Variants in CTBP2 observed in about 807,000 individuals in gnomAD.
The protein encoded by CTBP2 is C-terminal binding protein 2.
Under a neutral mutation model 80.3 loss-of-function variants are expected in CTBP2, and 30 were observed. That is an observed-to-expected ratio of 0.37 (90% CI 0.28 to 0.51). CTBP2 has a LOEUF of 0.51. Ranked by LOEUF, CTBP2 falls within the 20% of genes least tolerant of loss-of-function variation. The pLI, the probability that CTBP2 is intolerant of heterozygous loss-of-function variation, is 0.93. For missense variants in CTBP2, 1,212 were observed against 1,375.3 expected, an observed-to-expected ratio of 0.88 and a Z score of 1.88; for synonymous variants, 594 against 587.4, an observed-to-expected ratio of 1.01 and a Z score of -0.16.
At chr10:125,094,033 C>T (rs1235666483) in intron 2 of CTBP2, among the ~76,000 whole-genome samples, 6 of 152,268 alleles carry the variant, frequency 3.9e-5, no homozygotes, top group East Asian at 3.9e-4. Context: ...CGAGGAGAAA[C>T]GCAATATAAT....
intron 4 of CTBP2, chr10:124,996,425 G>C (rs566225748): frequency 1.3e-5 from 2 of 152,378 alleles, no homozygotes; most frequent in Non-Finnish European, 2.9e-5. Context: ...GAAGGCTACA[G>C]AGACACCTGG....
chr10:125,098,673 A>G (rs867137192), intron 2 of CTBP2, among the ~76,000 whole-genome samples: 44 of 114,946 alleles, frequency 3.8e-4, no homozygotes, highest in African/African-American at 1.8e-3. Flanking sequence ...AGAGAGAGAG[A>G]GAGAGAGAGA....
At chr10:125,104,879 G>C (rs1489784707) in intron 2 of CTBP2, among the ~76,000 whole-genome samples, 4 of 152,238 alleles carry the variant, frequency 2.6e-5, no homozygotes, top group African/African-American at 9.6e-5. Context: ...TGGGAAGAAG[G>C]AAGCCACAGA....
At chr10:125,159,084 C>T (rs945590946) in intron 1 of CTBP2, among the ~76,000 whole-genome samples, 6 of 151,306 alleles carry the variant, frequency 4.0e-5, no homozygotes, top group Non-Finnish European at 1.5e-5. Flanking sequence ...GCCCAACTCG[C>T]CCGGGGCGCT....
At chr10:125,158,224 A>G (rs1263495943) in intron 1 of CTBP2, among the ~76,000 whole-genome samples, 2 of 152,208 alleles carry the variant, frequency 1.3e-5, no homozygotes, top group Admixed American at 6.5e-5. Flanking sequence ...ACCCACTTCT[A>G]CTTGGAAAAC....
chr10:125,159,287 C>T, intron 1 of CTBP2, among the ~76,000 whole-genome samples: 1 of 149,190 alleles, frequency 6.7e-6, no homozygotes, highest in African/African-American at 2.4e-5. Flanking sequence ...TCGCCCCACC[C>T]GAAAAGTGCG....
At position 124,992,707 on chromosome 10, in the gene CTBP2, C is replaced by T; in HGVS notation, c.2765G>A (p.Gly922Asp). 6.2e-7 allele frequency: 1 copy of T among 1,605,548 alleles called. No individual in the cohort carries two copies. The highest frequency in any genetic ancestry group is 8.5e-7 in the Non-Finnish European group (1 of 1,175,652). Reference sequence around the variant, plus strand: ...TTCCTTTTCTCACCTGTATGTGGCACCATTGAGCTCAGGATGAATTGCTTG... The same window carrying T: ...TTCCTTTTCTCACCTGTATGTGGCATCATTGAGCTCAGGATGAATTGCTTG... Residue 922 changes from glycine (G) to aspartate (D), a missense_variant, in exon 8 of 9, where the codon GGT becomes GAT. Gly to Asp is a moderately conservative substitution (Grantham distance 94, BLOSUM62 -1). This residue lies in a region of CTBP2 where 335 missense variants were observed against 504.7 expected (regional missense o/e 0.66). Transcript: ENST00000309035.
At chr10:125,118,151 C>T (rs1031332021) in intron 1 of CTBP2, among the ~76,000 whole-genome samples, 2 of 152,190 alleles carry the variant, frequency 1.3e-5, no homozygotes, top group Non-Finnish European at 2.9e-5. Context: ...GGATATGTTT[C>T]CAGTGTTGTC....
At chr10:125,054,943 A>G (rs1036678) in intron 2 of CTBP2, among the ~76,000 whole-genome samples, 5,748 of 152,246 alleles carry the variant, frequency 0.038, 367 homozygotes, top group African/African-American at 0.13. Context: ...TGTTATGTTC[A>G]CTTACCCCAG....
chr10:125,027,020 CCT>C lies in CTBP2; in HGVS notation c.738_739del (p.Val248GlyfsTer28). On this transcript the variant is annotated frameshift_variant, in exon 1 of 9. Transcript: ENST00000309035. LOFTEE classifies it high-confidence loss of function. ...ACGATTCAGGGCCCCTGGGGCCACC[CCT>C]GTGCTGCCTTCGGGGGCAGCAGCTG... 1.2e-6 allele frequency: 2 copies of C among 1,613,932 alleles called. No individual in the cohort carries two copies. The highest frequency in any genetic ancestry group is 1.7e-6 in the Non-Finnish European group (2 of 1,180,018).
At chr10:125,152,968 G>A (rs571004798) in intron 1 of CTBP2, among the ~76,000 whole-genome samples, 22 of 152,332 alleles carry the variant, frequency 1.4e-4, no homozygotes, top group Admixed American at 3.3e-4. Flanking sequence ...AGCTCATTAG[G>A]AGGTGCTCCC....
intron 2 of CTBP2, among the ~76,000 whole-genome samples, chr10:125,098,698 GAGAGAGAGAC>G (rs1564914011): frequency 2.0e-4 from 26 of 129,778 alleles, no homozygotes; most frequent in East Asian, 7.2e-4. Flanking sequence ...GAGAGAGAGA[GAGAGAGAGAC>G]AGAGAGAGAG....
chr10:125,054,658 A>C (rs1351563116), intron 2 of CTBP2, among the ~76,000 whole-genome samples: 4 of 152,192 alleles, frequency 2.6e-5, no homozygotes, highest in African/African-American at 9.7e-5. Flanking sequence ...AACTAATACA[A>C]CCCTTTACAC....
chr10:125,034,735 T>C (rs1228651139), intron 3 of CTBP2, among the ~76,000 whole-genome samples: 1 of 152,176 alleles, frequency 6.6e-6, no homozygotes, highest in African/African-American at 2.4e-5. Flanking sequence ...AATGCATCTG[T>C]ACAAAGATAG....
chr10:125,017,353 C>T (rs779740238), intron 1 of CTBP2, among the ~76,000 whole-genome samples: 3 of 152,154 alleles, frequency 2.0e-5, no homozygotes, highest in East Asian at 1.9e-4. Flanking sequence ...TTCTGAGCAA[C>T]GGGTTCATCG....
chr10:125,010,109 C>T (rs1234861746), intron 1 of CTBP2, among the ~76,000 whole-genome samples: 5 of 150,832 alleles, frequency 3.3e-5, no homozygotes, highest in Non-Finnish European at 7.4e-5. Flanking sequence ...CTGCCTTTCA[C>T]GAGAAGGACC....
At chr10:125,093,828 C>T (rs564323350) in intron 2 of CTBP2, among the ~76,000 whole-genome samples, 30 of 152,278 alleles carry the variant, frequency 2.0e-4, no homozygotes, top group South Asian at 1.9e-3. Flanking sequence ...CCCACGGCCT[C>T]GCTGGGAGTC....
chr10:125,093,821 A>G (rs1356263162), intron 2 of CTBP2, among the ~76,000 whole-genome samples: 1 of 152,086 alleles, frequency 6.6e-6, no homozygotes, highest in East Asian at 1.9e-4. Flanking sequence ...AAACCCTCCC[A>G]CGGCCTCGCT....
At chr10:125,033,775 G>A (rs1167069387) in intron 3 of CTBP2, among the ~76,000 whole-genome samples, 1 of 152,114 alleles carries the variant, frequency 6.6e-6, no homozygotes, top group African/African-American at 2.4e-5. Context: ...AAAGGTGCCG[G>A]GACCAAGAGG....
Sources: gnomAD v4.1 joint callset for allele counts (sites outside exome capture counted in the v4.1 genomes callset) on GRCh38, gnomAD v4.1.1 for gene constraint, gnomAD v4.1.1 regional missense constraint, MANE v1.5 for transcripts, NCBI Gene and HGNC (gene_info 2026-07-23, HGNC 2026-07-21) for gene names.